Variants in LYPD1 observed in about 807,000 individuals in gnomAD.
LYPD1 encodes the protein ly6/PLAUR domain-containing protein 1.
In LYPD1, 14 loss-of-function variants were observed where a neutral mutation model predicts 14.2. That is an observed-to-expected ratio of 0.99 (90% confidence interval 0.65 to 1.54). LYPD1 has a LOEUF of 1.54. LYPD1 is among the 40% of genes most tolerant of loss of function. The pLI is 0.00. For synonymous variants in LYPD1, 85 were observed against 70.6 expected (o/e 1.20, Z -1.02); for missense variants, 165 against 175.7 (o/e 0.94, Z 0.34).
intron 2 of LYPD1, 44 bp from the exon 3 acceptor site, chr2:132,646,324 A>G (rs780124133): frequency 7.5e-7 from 1 of 1,328,790 alleles, no homozygotes; most frequent in Non-Finnish European, 1.0e-6. Flanking sequence ...TGCACCGGCA[A>G]AAGAATAGCT....
intron 2 of LYPD1, among the ~76,000 whole-genome samples, chr2:132,647,486 C>A (rs539914304): frequency 6.6e-6 from 1 of 152,142 alleles, no homozygotes; most frequent in Non-Finnish European, 1.5e-5. Flanking sequence ...GCGCCCGCCA[C>A]CACACCCGAC....
chr2:132,653,352 G>C (rs2104905217), intron 2 of LYPD1, among the ~76,000 whole-genome samples: 1 of 152,254 alleles, frequency 6.6e-6, no homozygotes, highest in Non-Finnish European at 1.5e-5. Flanking sequence ...GACAGAGCTG[G>C]AGCAATTTGA....
Position 132,645,549 on chromosome 2 carries a change from A to C in LYPD1, c.*496T>G. The C allele has an allele frequency of 6.2e-7, 1 of 1,614,148 alleles. No individual in the cohort carries two copies. The highest frequency in any genetic ancestry group is 8.5e-7 in the Non-Finnish European group (1 of 1,180,010). On this transcript the variant is annotated 3_prime_UTR_variant, in exon 3 of 3. Coordinates refer to ENST00000397463, the MANE Select transcript of LYPD1 (RefSeq NM_144586.7). The stretch of plus-strand genomic sequence containing the variant: ...GTCTCGAGTCACTAGAGCCCAACTC[A>C]GGCGCGAAACCAGCCAATTCTGCTG...
chr2:132,664,592 G>A (rs140801639), intron 2 of LYPD1, among the ~76,000 whole-genome samples: 293 of 152,336 alleles, frequency 1.9e-3, no homozygotes, highest in African/African-American at 6.5e-3. Flanking sequence ...GATTCAGACC[G>A]TGAACTTTCT....
chr2:132,645,687 A>G lies in LYPD1; in HGVS notation c.*358T>C. ...CACTCTCACTCTGCAGTCTCAAACT[A>G]TGCCCCCATCAGGGATGGAATGGAC... On this transcript the variant is annotated 3_prime_UTR_variant, in exon 3 of 3. Transcript: ENST00000397463. 3 of 1,519,430 alleles carry G rather than the reference A, an allele frequency of 2.0e-6. No homozygotes were observed. The highest frequency in any genetic ancestry group is 1.8e-6 in the Non-Finnish European group (2 of 1,133,050). The allele number at this position is 1,519,430 out of a possible 1,614,324, so 94.1% of individuals were successfully genotyped here.
At chr2:132,659,843 T>C (rs1682825782) in intron 2 of LYPD1, among the ~76,000 whole-genome samples, 1 of 152,226 alleles carries the variant, frequency 6.6e-6, no homozygotes, top group Non-Finnish European at 1.5e-5. Context: ...TCTAGCTATT[T>C]CTGAATAGGT....
chr2:132,656,499 A>G (rs945651924), intron 2 of LYPD1, among the ~76,000 whole-genome samples: 1 of 152,124 alleles, frequency 6.6e-6, no homozygotes, highest in Non-Finnish European at 1.5e-5. Context: ...ACTGCAAGAA[A>G]AAAGATCTTC....
Position 132,669,832 on chromosome 2 carries a change from A to G in LYPD1, c.52+49T>C. ...TGGGGGCAAAAGGGCTGGCGGGTAGATGGATTGTGCGCACCTGGCCTCGGC... is the reference window on the plus strand; with the variant it reads ...TGGGGGCAAAAGGGCTGGCGGGTAGGTGGATTGTGCGCACCTGGCCTCGGC... On this transcript the variant is annotated intron_variant, in intron 1 of 2. Transcript: ENST00000397463. The surrounding 1 kb of genome is among the most constrained non-coding windows in gnomAD (Gnocchi z 4.3). 6.2e-7 allele frequency: 1 copy of G among 1,604,408 alleles called. No individual in the cohort carries two copies. The highest frequency in any genetic ancestry group is 1.3e-5 in the African/African-American group (1 of 74,446).
rs955907559 is a variant in LYPD1, at chr2:132,646,012, A to G, written c.*33T>C. 1.9e-5 allele frequency: 28 copies of G among 1,470,004 alleles called. No homozygotes were observed. Among genetic ancestry groups the G allele is most frequent in the Non-Finnish European group, 2.6e-5 (28 of 1,096,996 alleles). The allele number at this position is 1,470,004 out of a possible 1,614,324, so 91.1% of individuals were successfully genotyped here. ...GGGGTTGGGGGCGAGGGCTGGAAGA[A>G]CAATGCAGGAGGGGGTGGCATCTCC... On this transcript the variant is annotated 3_prime_UTR_variant, in exon 3 of 3. Coordinates refer to ENST00000397463, the MANE Select transcript of LYPD1 (RefSeq NM_144586.7).
At chr2:132,653,348 G>A (rs10203672) in intron 2 of LYPD1, among the ~76,000 whole-genome samples, 8,515 of 152,258 alleles carry the variant, frequency 0.056, 777 homozygotes, top group African/African-American at 0.2. Flanking sequence ...AATGGACAGA[G>A]CTGGAGCAAT....
At chr2:132,654,838 T>C (rs1238531281) in intron 2 of LYPD1, among the ~76,000 whole-genome samples, 1 of 152,086 alleles carries the variant, frequency 6.6e-6, no homozygotes, top group Non-Finnish European at 1.5e-5. Flanking sequence ...AACCTACACC[T>C]ACCAGGTTCA....
At chr2:132,665,576 T>C (rs201831357) in intron 2 of LYPD1, among the ~76,000 whole-genome samples, 1 of 152,198 alleles carries the variant, frequency 6.6e-6, no homozygotes, top group East Asian at 1.9e-4. Flanking sequence ...ATGCTGGCTG[T>C]GTGGTATTAC....
In LYPD1 at chr2:132,643,538, C is replaced by G. The variant is rs1681907271; in HGVS notation, c.*2507G>C. Among the ~76,000 whole-genome samples, 1 of 152,180 alleles carries G rather than the reference C, an allele frequency of 6.6e-6. No homozygotes were observed. The highest frequency in any genetic ancestry group is 1.5e-5 in the Non-Finnish European group (1 of 68,024). On this transcript the variant is annotated 3_prime_UTR_variant, in exon 3 of 3. Transcript: ENST00000397463. Reference sequence around the variant, plus strand: ...GCATTTATTTATTGGTTTATTGAGACAGTTTCACTCTGTCAGCCAGGCTGG... The same window carrying G: ...GCATTTATTTATTGGTTTATTGAGAGAGTTTCACTCTGTCAGCCAGGCTGG...
chr2:132,645,178 C>G lies in LYPD1; in HGVS notation c.*867G>C, dbSNP rs772128534. 16 of 1,614,084 alleles carry G rather than the reference C, an allele frequency of 9.9e-6. No individual in the cohort carries two copies. Among genetic ancestry groups the G allele is most frequent in the African/African-American group, 2.7e-5 (2 of 74,920 alleles). ...GATCATGGCTGCGGCCAAACCCAAG[C>G]ACGACTGGACGAGGTCCTACTTCCG... On this transcript the variant is annotated 3_prime_UTR_variant, in exon 3 of 3. Transcript: ENST00000397463.
At position 132,649,497 on chromosome 2, in the gene LYPD1, G is replaced by C. The variant is rs1435362373; in HGVS notation, c.191-3217C>G. The stretch of plus-strand genomic sequence containing the variant: ...GGCTGGCGATGGGAACGGAGGTGCA[G>C]GGACAAACGGGAATGGTTTTGGGGA... On this transcript the variant is annotated intron_variant, in intron 2 of 2. Transcript: ENST00000397463. Among the ~76,000 whole-genome samples the C allele has an allele frequency of 3.9e-5, 6 of 152,324 alleles. No individual in the cohort carries two copies. The East Asian group carries it at 9.7e-4, about 25-fold the overall frequency.
rs1682028308 is a variant in LYPD1, at chr2:132,645,663, A to ACTCT, written c.*378_*381dup. 1 of 1,556,044 alleles carries ACTCT rather than the reference A, an allele frequency of 6.4e-7. No homozygotes were observed. The highest frequency in any genetic ancestry group is 8.7e-7 in the Non-Finnish European group (1 of 1,153,268). ...GGCCCTCCAGCCCTAAGAAAACGTCACTCTCACTCTGCAGTCTCAAACTAT... is the reference window on the plus strand; with the variant it reads ...GGCCCTCCAGCCCTAAGAAAACGTCACTCTCTCTCACTCTGCAGTCTCAAACTAT... On this transcript the variant is annotated 3_prime_UTR_variant, in exon 3 of 3. Coordinates refer to ENST00000397463, the MANE Select transcript of LYPD1 (RefSeq NM_144586.7).
chr2:132,665,080 C>A (rs1683191945), intron 2 of LYPD1, among the ~76,000 whole-genome samples: 1 of 152,034 alleles, frequency 6.6e-6, no homozygotes, highest in Non-Finnish European at 1.5e-5. Flanking sequence ...CAGAAATGAC[C>A]AAAGGGAACA....
intron 2 of LYPD1, among the ~76,000 whole-genome samples, chr2:132,660,923 C>G (rs116196983): frequency 0.039 from 6,004 of 152,210 alleles, 421 homozygotes; most frequent in African/African-American, 0.14. Flanking sequence ...TAACCAAAAC[C>G]TTTCTCCACA....
intron 2 of LYPD1, among the ~76,000 whole-genome samples, chr2:132,653,009 T>A (rs1032293170): frequency 6.6e-6 from 1 of 152,138 alleles, no homozygotes; most frequent in African/African-American, 2.4e-5. Flanking sequence ...ACCCAAGAAA[T>A]CAGAATATTA....
Sources: gnomAD v4.1 joint callset for allele counts (sites outside exome capture counted in the v4.1 genomes callset) on GRCh38, gnomAD v4.1.1 for gene constraint, Gnocchi (gnomAD v3.1) non-coding constraint, MANE v1.5 for transcripts, NCBI Gene and HGNC (gene_info 2026-07-23, HGNC 2026-07-21) for gene names.